The following DLGAP2 variants were observed in gnomAD, a reference collection of about 807,000 sequenced individuals.
DLGAP2 encodes disks large-associated protein 2.
Under a neutral mutation model 100.3 loss-of-function variants are expected in DLGAP2, and 26 were observed. The ratio of observed to expected loss-of-function variants is 0.26; its 90% CI spans 0.19 to 0.36. The LOEUF (loss-of-function observed/expected upper bound fraction) is 0.36. DLGAP2 is among the 10% of genes least tolerant of loss of function. The pLI, the probability that DLGAP2 is intolerant of heterozygous loss-of-function variation, is 1.00. For missense variants in DLGAP2, 1,858 were observed against 1,453.2 expected (o/e 1.28, Z -4.53); for synonymous variants, 886 against 630.1 (o/e 1.41, Z -6.08).
chr8:1,191,830 T>C (rs1013168915), intron 2 of DLGAP2, among the ~76,000 whole-genome samples: 3 of 152,208 alleles, frequency 2.0e-5, no homozygotes, highest in South Asian at 2.1e-4. Context: ...GATATGCCTT[T>C]AAGCTGATAT....
intron 8 of DLGAP2, among the ~76,000 whole-genome samples, chr8:1,660,036 T>A (rs1355384542): frequency 6.6e-6 from 1 of 152,186 alleles, no homozygotes; most frequent in East Asian, 1.9e-4. Context: ...AAGGCAGGCC[T>A]GGTGGTGACA....
chr8:1,448,366 G>C (rs1445421925), intron 3 of DLGAP2, among the ~76,000 whole-genome samples: 1 of 152,202 alleles, frequency 6.6e-6, no homozygotes, highest in East Asian at 1.9e-4. Flanking sequence ...TTCAGGAGCA[G>C]GTGGTTCAGT....
At chr8:965,796 G>T (rs1294777909) in intron 2 of DLGAP2, among the ~76,000 whole-genome samples, 1 of 147,148 alleles carries the variant, frequency 6.8e-6, no homozygotes, top group Non-Finnish European at 1.5e-5. Flanking sequence ...CACCACACAG[G>T]GCTCCTGAGT....
intron 3 of DLGAP2, among the ~76,000 whole-genome samples, chr8:1,476,476 G>T (rs1357945866): frequency 6.6e-6 from 1 of 152,142 alleles, no homozygotes; most frequent in Non-Finnish European, 1.5e-5. Flanking sequence ...AGCGCAGCGT[G>T]GGTATTTTGA....
intron 2 of DLGAP2, among the ~76,000 whole-genome samples, chr8:965,969 C>T (rs1339715256): frequency 1.3e-5 from 2 of 152,244 alleles, no homozygotes; most frequent in Admixed American, 6.5e-5. Flanking sequence ...GCCAGGTACC[C>T]TTCTCCTGGG....
chr8:1,278,048 C>A (rs1799740054), intron 3 of DLGAP2, among the ~76,000 whole-genome samples: 1 of 152,190 alleles, frequency 6.6e-6, no homozygotes, highest in African/African-American at 2.4e-5. Flanking sequence ...TCAGTAGTCT[C>A]TTGCAATTTC....
chr8:1,199,319 C>A (rs1290035372), intron 2 of DLGAP2, among the ~76,000 whole-genome samples: 1 of 152,188 alleles, frequency 6.6e-6, no homozygotes, highest in East Asian at 1.9e-4. Flanking sequence ...TGAGCTTCTC[C>A]CTGGTGATCT....
At chr8:1,690,703 CAAAAA>C (rs71190752) in intron 12 of DLGAP2, among the ~76,000 whole-genome samples, 12,031 of 61,766 alleles carry the variant, frequency 0.19, 608 homozygotes, top group South Asian at 0.35. Context: ...GACCCTATCT[CAAAAA>C]AAAAAAAAAA....
intron 2 of DLGAP2, among the ~76,000 whole-genome samples, chr8:946,222 T>C (rs1334218671): frequency 1.3e-5 from 2 of 151,992 alleles, no homozygotes; most frequent in Non-Finnish European, 2.9e-5. Flanking sequence ...GTATTGGCAT[T>C]TGTCTGAGTA....
chr8:1,371,886 C>G (rs1802246404), intron 3 of DLGAP2, among the ~76,000 whole-genome samples: 1 of 152,244 alleles, frequency 6.6e-6, no homozygotes, highest in Non-Finnish European at 1.5e-5. Context: ...TCTGGCATCA[C>G]ACAGATCAGC....
intron 1 of DLGAP2, among the ~76,000 whole-genome samples, chr8:742,154 A>G (rs1208491961): frequency 6.6e-6 from 1 of 152,226 alleles, no homozygotes; most frequent in Non-Finnish European, 1.5e-5. Context: ...TAGTTTCTTC[A>G]GACATTTCCA....
chr8:1,576,337 T>G (rs1802977208), intron 6 of DLGAP2, among the ~76,000 whole-genome samples: 1 of 152,222 alleles, frequency 6.6e-6, no homozygotes, highest in Admixed American at 6.5e-5. Context: ...CTTGTAAATT[T>G]ATTTGAGTTC....
intron 6 of DLGAP2, among the ~76,000 whole-genome samples, chr8:1,570,266 G>A (rs1050561799): frequency 7.2e-5 from 11 of 152,244 alleles, no homozygotes; most frequent in Non-Finnish European, 1.2e-4. Flanking sequence ...TGCTGGGAAC[G>A]ACTTGGGTTT....
chr8:1,087,965 T>C (rs1220503627), intron 2 of DLGAP2, among the ~76,000 whole-genome samples: 1 of 152,262 alleles, frequency 6.6e-6, no homozygotes, highest in Non-Finnish European at 1.5e-5. Flanking sequence ...GTTCCTGGGC[T>C]ATGTGGCCTC....
At chr8:1,190,692 G>C (rs765414654) in intron 2 of DLGAP2, among the ~76,000 whole-genome samples, 1 of 152,146 alleles carries the variant, frequency 6.6e-6, no homozygotes, top group Non-Finnish European at 1.5e-5. Flanking sequence ...CGTGTCTTAC[G>C]TAGAGAAGAA....
intron 3 of DLGAP2, among the ~76,000 whole-genome samples, chr8:1,410,041 A>G (rs1379516786): frequency 6.6e-6 from 1 of 152,304 alleles, no homozygotes; most frequent in African/African-American, 2.4e-5. Context: ...GCAGGTGTGT[A>G]GACCTTTGGC....
At chr8:1,430,759 C>T (rs115849546) in intron 3 of DLGAP2, among the ~76,000 whole-genome samples, 51 of 152,214 alleles carry the variant, frequency 3.4e-4, no homozygotes, top group African/African-American at 1.2e-3. Context: ...CCTGCAGATC[C>T]AAAAATAAGA....
intron 4 of DLGAP2, among the ~76,000 whole-genome samples, chr8:1,506,439 C>T (rs912460518): frequency 2.0e-5 from 3 of 152,158 alleles, no homozygotes; most frequent in Non-Finnish European, 4.4e-5. Context: ...GGAGTTTCTT[C>T]CTTCTGGTCG....
chr8:1,423,048 A>G (rs1473013092), intron 3 of DLGAP2, among the ~76,000 whole-genome samples: 1 of 152,244 alleles, frequency 6.6e-6, no homozygotes, highest in Non-Finnish European at 1.5e-5. Flanking sequence ...TAGTGACATC[A>G]AAACAAAGGT....
Sources: gnomAD v4.1 joint callset for allele counts (sites outside exome capture counted in the v4.1 genomes callset) on GRCh38, gnomAD v4.1.1 for gene constraint, MANE v1.5 for transcripts, NCBI Gene and HGNC (gene_info 2026-07-23, HGNC 2026-07-21) for gene names.